CCDC141: variants seen among roughly 807,000 people sequenced by gnomAD.
CCDC141 encodes the protein coiled-coil domain-containing protein 141.
Under a neutral mutation model 181.0 loss-of-function variants are expected in CCDC141, and 168 were observed. The ratio of observed to expected loss-of-function variants is 0.93; its 90% CI spans 0.82 to 1.05. CCDC141 has a LOEUF of 1.05. Ranked by LOEUF, CCDC141 falls within the 50% of genes least tolerant of loss-of-function variation. The pLI is 0.00. For synonymous variants in CCDC141, 666 were observed against 642.3 expected (o/e 1.04, Z -0.56); for missense variants, 1,902 against 1,788.5 (o/e 1.06, Z -1.14).
At position 178,865,874 on chromosome 2, in the gene CCDC141, C is replaced by T. The variant is rs753557649; in HGVS notation, c.2617G>A (p.Glu873Lys). 12 of 1,602,066 alleles carry T rather than the reference C, an allele frequency of 7.5e-6. No individual in the cohort carries two copies. The highest frequency in any genetic ancestry group is 1.0e-5 in the Non-Finnish European group (12 of 1,173,928). Residue 873 changes from glutamate (E) to lysine (K), a missense_variant, in exon 17 of 24, where the codon GAG (glutamate) becomes AAG (lysine). Glu to Lys is a moderately conservative substitution (Grantham distance 56). Coordinates refer to ENST00000443758, the MANE Select transcript of CCDC141 (RefSeq NM_173648.4). ...VSAKNLQQQLELLEEDSMKWR... is the reference protein window; with the variant it reads ...VSAKNLQQQLKLLEEDSMKWR... The stretch of plus-strand genomic sequence containing the variant: ...TTCATGCTGTCCTCCTCAAGGAGCT[C>T]CAGCTGCTGCTGTAGGTTCTTTGCA...
At chr2:178,989,139 C>A (rs111596677) in intron 2 of CCDC141, among the ~76,000 whole-genome samples, 4,352 of 152,110 alleles carry the variant, frequency 0.029, 205 homozygotes, top group African/African-American at 0.099. Flanking sequence ...ACAACAACAA[C>A]AAACAGATAA....
In CCDC141 at chr2:178,832,484, C is replaced by CAAAAAAAAAAA. The variant is rs1250133085; in HGVS notation, c.*1688_*1689insTTTTTTTTTTT. On this transcript the variant is annotated 3_prime_UTR_variant, in exon 24 of 24. Transcript: ENST00000443758. Reference sequence around the variant, plus strand: ...CTTTCTCAAAAAAAAAAAAAAAAAACAAAAAAAACAAAAAAAAGATAGTTA... The same window carrying CAAAAAAAAAAA: ...CTTTCTCAAAAAAAAAAAAAAAAAACAAAAAAAAAAAAAAAAAAACAAAAAAAAGATAGTTA... The CAAAAAAAAAAA allele has an allele frequency of 8.4e-6, 1 of 119,264 alleles. No homozygotes were observed. The highest frequency in any genetic ancestry group is 1.7e-5 in the Non-Finnish European group (1 of 59,254). The allele number at this position is 119,264 out of a possible 1,614,324, so 7.4% of individuals were successfully genotyped here.
At chr2:178,919,861 G>A (rs533068348) in intron 6 of CCDC141, among the ~76,000 whole-genome samples, 11 of 152,142 alleles carry the variant, frequency 7.2e-5, no homozygotes, top group Non-Finnish European at 1.3e-4. Flanking sequence ...TTATTGTTCG[G>A]TATTTTCTCC....
At chr2:178,905,644 G>A (rs1037334880) in intron 7 of CCDC141, 143 bp from the exon 8 acceptor site, 7 of 844,188 alleles carry the variant, frequency 8.3e-6, no homozygotes, top group African/African-American at 5.2e-5. Context: ...AATCTTGGAA[G>A]ATTGTTGGAA....
chr2:179,017,204 T>C (rs2042567337), intron 2 of CCDC141, among the ~76,000 whole-genome samples: 1 of 152,072 alleles, frequency 6.6e-6, no homozygotes. Context: ...TCTCCACATC[T>C]TTCTTTCTTT....
chr2:178,845,802 CACTA>C, intron 21 of CCDC141, 60 bp from the exon 22 acceptor site: 1 of 942,102 alleles, frequency 1.1e-6, no homozygotes, highest in Non-Finnish European at 1.8e-6. Flanking sequence ...CAGTGCCATA[CACTA>C]ACTACTTGGA....
intron 2 of CCDC141, among the ~76,000 whole-genome samples, chr2:178,982,037 A>C (rs1691438917): frequency 1.3e-5 from 2 of 152,102 alleles, no homozygotes. Context: ...CAAATTTGAT[A>C]ACTGAGATGA....
chr2:178,989,696 G>T (rs999788850), intron 2 of CCDC141, among the ~76,000 whole-genome samples: 1 of 150,458 alleles, frequency 6.6e-6, no homozygotes, highest in Non-Finnish European at 1.5e-5. Flanking sequence ...GACTTGAAAA[G>T]ACATTTCTCC....
At chr2:178,985,134 A>G (rs1382803757) in intron 2 of CCDC141, among the ~76,000 whole-genome samples, 1 of 151,228 alleles carries the variant, frequency 6.6e-6, no homozygotes, top group African/African-American at 2.4e-5. Flanking sequence ...CCACAGTGCA[A>G]TCGAACTAGA....
intron 1 of CCDC141, among the ~76,000 whole-genome samples, chr2:179,049,070 G>C (rs1164228116): frequency 1.3e-5 from 2 of 152,146 alleles, no homozygotes; most frequent in Non-Finnish European, 2.9e-5. Flanking sequence ...CCCAAGCCTA[G>C]TGCTTGAAAG....
chr2:178,980,949 C>A (rs56364712), intron 2 of CCDC141, among the ~76,000 whole-genome samples: 2,173 of 152,180 alleles, frequency 0.014, 26 homozygotes, highest in Non-Finnish European at 0.025. Flanking sequence ...AGCTGAGTAG[C>A]TATGTTAATT....
intron 17 of CCDC141, among the ~76,000 whole-genome samples, chr2:178,857,162 TCTC>T (rs1685423388): frequency 6.6e-6 from 1 of 152,152 alleles, no homozygotes; most frequent in South Asian, 2.1e-4. Context: ...TTGCCCCAGA[TCTC>T]TCTATCTTTT....
At chr2:178,946,075 C>T (rs2366919) in intron 5 of CCDC141, among the ~76,000 whole-genome samples, 1 of 152,142 alleles carries the variant, frequency 6.6e-6, no homozygotes, top group Non-Finnish European at 1.5e-5. Context: ...TTTAGCCCAT[C>T]ATTAGTGCAA....
At chr2:179,015,445 CAT>C (rs1190349172) in intron 2 of CCDC141, among the ~76,000 whole-genome samples, 1 of 136,474 alleles carries the variant, frequency 7.3e-6, no homozygotes, top group African/African-American at 2.6e-5. Context: ...ATATATATCT[CAT>C]ATATGTACCA....
intron 5 of CCDC141, among the ~76,000 whole-genome samples, chr2:178,953,449 A>T (rs1690039297): frequency 6.6e-6 from 1 of 151,920 alleles, no homozygotes; most frequent in South Asian, 2.1e-4. Context: ...AAAAAAAAAA[A>T]AATGCTCATA....
In CCDC141 at chr2:178,869,244, G is replaced by GCTCCTCTGCCAGTTAA; in HGVS notation, c.2251_2266dup (p.Ala756ValfsTer69). On this transcript the variant is annotated frameshift_variant, in exon 15 of 24. Transcript: ENST00000443758. LOFTEE classifies it high-confidence loss of function. ...TTGTTGAGACTTTTCTTTTACAGGGGCTCCTCTGCCAGTTAACTCCTCTGA... is the reference window on the plus strand; with the variant it reads ...TTGTTGAGACTTTTCTTTTACAGGGGCTCCTCTGCCAGTTAACTCCTCTGCCAGTTAACTCCTCTGA... 6.2e-7 allele frequency: 1 copy of GCTCCTCTGCCAGTTAA among 1,613,326 alleles called. No homozygotes were observed. The highest frequency in any genetic ancestry group is 8.5e-7 in the Non-Finnish European group (1 of 1,179,616).
chr2:178,969,092 T>C (rs1013654370), intron 4 of CCDC141, among the ~76,000 whole-genome samples: 1 of 98,432 alleles, frequency 1.0e-5, no homozygotes, highest in Non-Finnish European at 1.8e-5. Context: ...CAGTAATTAA[T>C]AGCTTACCAA....
chr2:178,971,401 C>A (rs189115491), intron 4 of CCDC141, among the ~76,000 whole-genome samples: 1 of 152,138 alleles, frequency 6.6e-6, no homozygotes, highest in Non-Finnish European at 1.5e-5. Context: ...GAATGGCAAT[C>A]ATCAAAAAGT....
rs1281159300 is a variant in CCDC141 at position 178,918,738 on chromosome 2, T to C, written c.1067A>G (p.Asn356Ser). 9.7e-6 allele frequency: 15 copies of C among 1,550,410 alleles called. No homozygotes were observed. The highest frequency in any genetic ancestry group is 1.4e-5 in the African/African-American group (1 of 73,032). Residue 356 changes from asparagine to serine, a missense_variant, in exon 7 of 24, where the codon AAT (asparagine) becomes AGT (serine). Physicochemically the swap from Asn to Ser is conservative, Grantham distance 46. Transcript: ENST00000443758. ...CTTGTTAGCACTGTTAAAAAATTCA[T>C]TCGCCTTCTTTAACCAGGTATTCCT... ...VERNTWLKKA[N>S]EFFNSANKAF...
Sources: allele counts gnomAD v4.1 joint callset (sites outside exome capture counted in the v4.1 genomes callset), GRCh38; gene constraint gnomAD v4.1.1; transcripts MANE v1.5; gene names NCBI Gene and HGNC (gene_info 2026-07-23, HGNC 2026-07-21).